SHROOM1: variants seen among roughly 807,000 people sequenced by gnomAD.
SHROOM1 encodes protein Shroom1.
In SHROOM1, 53 loss-of-function variants were observed where a neutral mutation model predicts 64.2. The observed-to-expected ratio is 0.83, with a 90% confidence interval of 0.66 to 1.04. The LOEUF (loss-of-function observed/expected upper bound fraction) is 1.04. SHROOM1 is among the 50% of genes least tolerant of loss of function. SHROOM1 has a pLI of 0.00. For synonymous variants in SHROOM1, 490 were observed against 518.9 expected (o/e 0.94, Z 0.76); for missense variants, 1,179 against 1,163.2 (o/e 1.01, Z -0.20).
chr5:132,824,564 A>G, intron 6 of SHROOM1, 51 bp downstream of exon 6: 1 of 1,565,320 alleles, frequency 6.4e-7, no homozygotes, highest in Non-Finnish European at 8.7e-7. Flanking sequence ...CGTTTTGTAG[A>G]TGTGTGTGTC....
Position 132,826,010 on chromosome 5 carries a change from TCGGGGCCGCCG to T in SHROOM1, c.120_130del (p.Gly41AlafsTer201), listed in dbSNP as rs1758685243. 1 of 1,532,364 alleles carries T rather than the reference TCGGGGCCGCCG, an allele frequency of 6.5e-7. No homozygotes were observed. The highest frequency in any genetic ancestry group is 8.8e-7 in the Non-Finnish European group (1 of 1,140,322). 94.9% of individuals were successfully genotyped at this position (1,532,364 alleles called of 1,614,324 possible). A position where few individuals can be genotyped will look rare whatever the true frequency, so the allele number is the denominator to read the frequency against. On this transcript the variant is annotated frameshift_variant, in exon 4 of 10. Coordinates refer to ENST00000378679, the MANE Select transcript of SHROOM1 (RefSeq NM_001172700.2). LOFTEE classifies it high-confidence loss of function. ...TGTCCCCGGCGACTGCGTGCGCGGC[TCGGGGCCGCCG>T]GAGGCTGCGGAGAAAGAGCTGTAGG...
chr5:132,828,499 C>T (rs1000432955), intron 1 of SHROOM1, among the ~76,000 whole-genome samples: 10 of 152,118 alleles, frequency 6.6e-5, no homozygotes, highest in African/African-American at 1.9e-4. Flanking sequence ...GAAGCCCACC[C>T]GACTGCTCAG....
intron 1 of SHROOM1, among the ~76,000 whole-genome samples, chr5:132,828,353 G>T (rs1219257023): frequency 6.6e-6 from 1 of 152,184 alleles, no homozygotes; most frequent in African/African-American, 2.4e-5. Flanking sequence ...ATTTGTATAT[G>T]CCTACTAAGC....
intron 6 of SHROOM1, 61 bp downstream of exon 6, chr5:132,824,554 C>G: frequency 4.5e-6 from 7 of 1,550,870 alleles, no homozygotes; most frequent in Non-Finnish European, 6.1e-6. Flanking sequence ...ACCCCTCTAG[C>G]GTTTTGTAGA....
In SHROOM1 at chr5:132,824,746, C is replaced by T. The variant is rs759721606; in HGVS notation, c.1110G>A (p.Gln370=). Reference sequence around the variant, plus strand: ...GCACAATGCAGGTCTCTGAGACCCTCTGTTCACTGTCAGCAGGGCTGCTCT... The same window carrying T: ...GCACAATGCAGGTCTCTGAGACCCTTTGTTCACTGTCAGCAGGGCTGCTCT... The part of the protein sequence containing the change: ...LPQSSPADSE[Q]RVSETCIVPA... The change falls in exon 6 of 10, where the codon CAG becomes CAA. Residue 370 remains glutamine (Q), a synonymous_variant. Coordinates refer to ENST00000378679, the MANE Select transcript of SHROOM1 (RefSeq NM_001172700.2). 5 of 1,614,106 alleles carry T rather than the reference C, an allele frequency of 3.1e-6. No individual in the cohort carries two copies. The African/African-American group carries it at 6.7e-5, about 22-fold the overall frequency.
chr5:132,824,089 T>G lies in SHROOM1; in HGVS notation c.1572A>C (p.Leu524=). The G allele has an allele frequency of 6.2e-7, 1 of 1,613,890 alleles. No individual in the cohort carries two copies. Among genetic ancestry groups the G allele is most frequent in the Non-Finnish European group, 8.5e-7 (1 of 1,179,918 alleles). ...AACCAGGCTGGCCAGTGCCCCTGGC[T>G]AGGGCAGTATTGTGAGAGGGACCTG... The part of the protein sequence containing the change: ...DTPGPSHNTA[L]ARGTGQPGSR... The change falls in exon 7 of 10, where the codon CTA becomes CTC. Residue 524 remains leucine (L), a synonymous_variant. Coordinates refer to ENST00000378679, the MANE Select transcript of SHROOM1 (RefSeq NM_001172700.2).
chr5:132,828,742 G>A (rs868242216), intron 1 of SHROOM1, among the ~76,000 whole-genome samples: 2 of 152,016 alleles, frequency 1.3e-5, no homozygotes, highest in Admixed American at 6.5e-5. Context: ...CAATAAAAAT[G>A]TGTCTACACA....
chr5:132,824,674 G>T lies in SHROOM1; in HGVS notation c.1182C>A (p.Ala394=). 6.2e-7 allele frequency: 1 copy of T among 1,614,020 alleles called. No individual in the cohort carries two copies. The highest frequency in any genetic ancestry group is 8.5e-7 in the Non-Finnish European group (1 of 1,180,000). Residue 394 remains alanine, a synonymous_variant, in exon 6 of 10, where the codon GCC becomes GCA. Transcript: ENST00000378679. ...SLPDEVFLEE[A]PLVRMRSPPD... ...GTGGTGATCTCATTCTGACCAGTGGGGCCTCTTCTAGGAACACTTCATCAG... is the reference window on the plus strand; with the variant it reads ...GTGGTGATCTCATTCTGACCAGTGGTGCCTCTTCTAGGAACACTTCATCAG...
rs762555355 is a variant in SHROOM1 at position 132,825,342 on chromosome 5, T to C, written c.799A>G (p.Lys267Glu). ...CATCCGACCTCGTGATCTTCAAACT[T>C]AGCCAGCGCCGGATGCTGGAACTCC... ...PLEFQHPALAKFEDHEVGWLP... is the reference protein window; with the variant it reads ...PLEFQHPALAEFEDHEVGWLP... Residue 267 changes from lysine (K) to glutamate (E), a missense_variant, in exon 4 of 10, where the codon AAG becomes GAG. By Grantham distance (56) the Lys-to-Glu change is moderately conservative (BLOSUM62 1). Transcript: ENST00000378679. This position sits in a 1 kb window ranked among gnomAD's most constrained non-coding sequence, Gnocchi z 5.1. The C allele has an allele frequency of 9.2e-5, 148 of 1,603,460 alleles. 1 individual carries two copies. Among genetic ancestry groups the C allele is most frequent in the South Asian group, 6.4e-4 (58 of 90,762 alleles).
chr5:132,829,584 T>C, intron 1 of SHROOM1: 1 of 985,324 alleles, frequency 1.0e-6, no homozygotes, highest in East Asian at 1.1e-4. Context: ...CAACGAATGA[T>C]CAGGATTTAC....
At position 132,825,382 on chromosome 5, in the gene SHROOM1, AG is replaced by A; in HGVS notation, c.758del (p.Pro253LeufsTer33). The A allele has an allele frequency of 6.3e-7, 1 of 1,597,212 alleles. No individual in the cohort carries two copies. Reference sequence around the variant, plus strand: ...GCTGGAACTCCAAGGGCTCGGGCCCAGGGAGGCCAGAGCTGGAGCAGGCCTC... The same window carrying A: ...GCTGGAACTCCAAGGGCTCGGGCCCAGGAGGCCAGAGCTGGAGCAGGCCTC... ...LGEACSSSGL[P>X]GPEPLEFQHP... is the part of the protein sequence containing the mutation. On this transcript the variant is annotated frameshift_variant, in exon 4 of 10. Coordinates refer to ENST00000378679, the MANE Select transcript of SHROOM1 (RefSeq NM_001172700.2). LOFTEE classifies it high-confidence loss of function. The surrounding 1 kb of genome is among the most constrained non-coding windows in gnomAD (Gnocchi z 5.1).
chr5:132,824,270 GA>G lies in SHROOM1; in HGVS notation c.1390del (p.Ser464ProfsTer24). The part of the protein sequence containing the change: ...WQGVNGSVGI[S>X]RPTSHTPTGT... The stretch of plus-strand genomic sequence containing the variant: ...AGTGGGGGTGTGGCTTGTGGGCCTG[GA>G]AATACCTACAGAACCATTCACCCCC... On this transcript the variant is annotated frameshift_variant, in exon 7 of 10. Coordinates refer to ENST00000378679, the MANE Select transcript of SHROOM1 (RefSeq NM_001172700.2). LOFTEE classifies it high-confidence loss of function. The G allele has an allele frequency of 6.2e-7, 1 of 1,613,954 alleles. No homozygotes were observed. The highest frequency in any genetic ancestry group is 1.1e-5 in the South Asian group (1 of 91,048).
Position 132,825,051 on chromosome 5 carries a change from G to T in SHROOM1, c.1001C>A (p.Thr334Asn), listed in dbSNP as rs1489412872. Residue 334 changes from threonine (T) to asparagine (N), a missense_variant, in exon 5 of 10, where the codon ACC (threonine) becomes AAC (asparagine). Physicochemically the swap from Thr to Asn is moderately conservative, Grantham distance 65. Transcript: ENST00000378679. The surrounding 1 kb of genome is among the most constrained non-coding windows in gnomAD (Gnocchi z 5.1). ...TTTGGTCTGAAACAATGGTCTGGGGGTTTCTGCTCCTTGGGGAACAGCCTG... is the reference window on the plus strand; with the variant it reads ...TTTGGTCTGAAACAATGGTCTGGGGTTTTCTGCTCCTTGGGGAACAGCCTG... ...IVQAVPQGAETPRPLFQTKLS... is the reference protein window; with the variant it reads ...IVQAVPQGAENPRPLFQTKLS... 4 of 1,614,114 alleles carry T rather than the reference G, an allele frequency of 2.5e-6. No homozygotes were observed. The Admixed American group carries it at 5.0e-5, about 20-fold the overall frequency.
chr5:132,830,355 T>TG lies in SHROOM1; in HGVS notation c.-501+238dup, dbSNP rs1758808803. ...CCTGAGCCGCGCCGCCAGCTTAGAG[T>TG]GGGCCGCCTCTCCGCCCTGCAGCTC... On this transcript the variant is annotated intron_variant, in intron 1 of 9. Coordinates refer to ENST00000378679, the MANE Select transcript of SHROOM1 (RefSeq NM_001172700.2). This position sits in a 1 kb window ranked among gnomAD's most constrained non-coding sequence, Gnocchi z 5.9. 1.0e-6 allele frequency: 1 copy of TG among 984,176 alleles called. No homozygotes were observed. Among genetic ancestry groups the TG allele is most frequent in the African/African-American group, 1.8e-5 (1 of 56,832 alleles). 61.0% of individuals were successfully genotyped at this position (984,176 alleles called of 1,614,324 possible). A position where few individuals can be genotyped will look rare whatever the true frequency, so the allele number is the denominator to read the frequency against.
At position 132,822,864 on chromosome 5, in the gene SHROOM1, G is replaced by A; in HGVS notation, c.2491C>T (p.Pro831Ser). Residue 831 changes from proline to serine, a missense_variant, in exon 10 of 10, where the codon CCC (proline) becomes TCC (serine). Coordinates refer to ENST00000378679, the MANE Select transcript of SHROOM1 (RefSeq NM_001172700.2). ...GTCCCTGGGGGCCGCGCCGGGCTGG[G>A]AGACGGGGCATGATGGCCAAGGTCG... is the stretch of plus-strand genomic sequence containing the variant. ...RDDLGHHAPS[P>S]SPARPPGTCP... 1 of 1,613,540 alleles carries A rather than the reference G, an allele frequency of 6.2e-7. No individual in the cohort carries two copies. Among genetic ancestry groups the A allele is most frequent in the Non-Finnish European group, 8.5e-7 (1 of 1,179,964 alleles).
intron 1 of SHROOM1, among the ~76,000 whole-genome samples, chr5:132,828,290 A>AG (rs1477984535): frequency 6.6e-6 from 1 of 152,122 alleles, no homozygotes; most frequent in South Asian, 2.1e-4. Context: ...TTCCCAGGAG[A>AG]GGCTCTCAGC....
chr5:132,825,971 TA>T lies in SHROOM1; in HGVS notation c.169del (p.Tyr57ThrfsTer2). The T allele has an allele frequency of 6.7e-7, 1 of 1,495,394 alleles. No homozygotes were observed. Among genetic ancestry groups the T allele is most frequent in the Admixed American group, 2.3e-5 (1 of 43,024 alleles). The allele number at this position is 1,495,394 out of a possible 1,614,324, so 92.6% of individuals were successfully genotyped here. On this transcript the variant is annotated frameshift_variant, in exon 4 of 10. Coordinates refer to ENST00000378679, the MANE Select transcript of SHROOM1 (RefSeq NM_001172700.2). LOFTEE classifies it high-confidence loss of function. The surrounding 1 kb of genome is among the most constrained non-coding windows in gnomAD (Gnocchi z 5.1). The part of the protein sequence containing the change: ...TQSPGTDLLP[Y>X]LDWDYVRVVW... ...CACACGCACGTAGTCCCAGTCTAGG[TA>T]AGGAAGGAGGTCTGTCCCCGGCGAC...
At position 132,824,851 on chromosome 5, in the gene SHROOM1, G is replaced by A. The variant is rs759909570; in HGVS notation, c.1035-30C>T. On this transcript the variant is annotated intron_variant, in intron 5 of 9. Transcript: ENST00000378679. The stretch of plus-strand genomic sequence containing the variant: ...AGGCAGGGACCCCATAGTGACCACA[G>A]TGAAAGGAAGGAAGCTCTTGGTGTT... 2.5e-6 allele frequency: 4 copies of A among 1,612,184 alleles called. No individual in the cohort carries two copies. The East Asian group carries it at 8.9e-5, about 36-fold the overall frequency.
In SHROOM1 at chr5:132,823,321, G is replaced by C. The variant is rs770189592; in HGVS notation, c.2155C>G (p.Leu719Val). Residue 719 changes from leucine to valine, a missense_variant, in exon 9 of 10, where the codon CTG (leucine) becomes GTG (valine). Coordinates refer to ENST00000378679, the MANE Select transcript of SHROOM1 (RefSeq NM_001172700.2). This position sits in a 1 kb window ranked among gnomAD's most constrained non-coding sequence, Gnocchi z 4.6. ...LERVLGLLLL[L>V]GSRLARVRRA... ...CGCACGCGCGCCAGGCGACTGCCCAGCAGCAGCAGAAGGCCAAGCACGCGC... is the reference window on the plus strand; with the variant it reads ...CGCACGCGCGCCAGGCGACTGCCCACCAGCAGCAGAAGGCCAAGCACGCGC... 1 of 1,604,054 alleles carries C rather than the reference G, an allele frequency of 6.2e-7. No homozygotes were observed. Among genetic ancestry groups the C allele is most frequent in the Admixed American group, 1.7e-5 (1 of 59,934 alleles).
Sources: gnomAD v4.1 joint callset for allele counts (sites outside exome capture counted in the v4.1 genomes callset) on GRCh38, gnomAD v4.1.1 for gene constraint, Gnocchi (gnomAD v3.1) non-coding constraint, MANE v1.5 for transcripts, NCBI Gene and HGNC (gene_info 2026-07-23, HGNC 2026-07-21) for gene names.